The following TMEM117 variants were observed in gnomAD, a reference collection of about 807,000 sequenced individuals.
The protein encoded by TMEM117 is transmembrane protein 117.
A neutral mutation model predicts 52.4 loss-of-function variants in TMEM117; 27 were observed. The observed-to-expected ratio is 0.51, with a 90% CI of 0.38 to 0.71. TMEM117 has a LOEUF of 0.71. Ranked by LOEUF, TMEM117 falls within the 30% of genes least tolerant of loss-of-function variation. TMEM117 has a pLI of 0.00. For synonymous variants in TMEM117, 215 were observed against 206.3 expected, an observed-to-expected ratio of 1.04 and a Z score of -0.36; for missense variants, 556 against 630.5, an observed-to-expected ratio of 0.88 and a Z score of 1.26.
intron 5 of TMEM117, among the ~76,000 whole-genome samples, chr12:44,298,302 A>G (rs1565686224): frequency 6.6e-6 from 1 of 150,820 alleles, no homozygotes; most frequent in Non-Finnish European, 1.5e-5. Flanking sequence ...GTTAATTGCC[A>G]AAACGGATAT....
the TMEM117 span, among the ~76,000 whole-genome samples, chr12:43,814,988 G>T: frequency 6.6e-6 from 1 of 151,818 alleles, no homozygotes; most frequent in Non-Finnish European, 1.5e-5. Flanking sequence ...CAGGTGATCC[G>T]CCCGCCTCGG....
chr12:43,853,555 G>A (rs375595445), intron 2 of TMEM117, among the ~76,000 whole-genome samples: 8 of 152,146 alleles, frequency 5.3e-5, no homozygotes, highest in African/African-American at 1.7e-4. Context: ...GATTACAGGC[G>A]TGAGCCACTG....
chr12:43,803,868 G>C, the TMEM117 span, among the ~76,000 whole-genome samples: 3 of 151,920 alleles, frequency 2.0e-5, no homozygotes, highest in East Asian at 5.8e-4. Context: ...TTAGGCCACT[G>C]GAATATTTTA....
intron 6 of TMEM117, among the ~76,000 whole-genome samples, chr12:44,343,420 A>G (rs547618863): frequency 6.6e-6 from 1 of 152,166 alleles, no homozygotes; most frequent in Admixed American, 6.6e-5. Flanking sequence ...AGTTCTCCAC[A>G]CTCACCTGAA....
At chr12:44,043,321 G>T (rs150556538) in intron 3 of TMEM117, among the ~76,000 whole-genome samples, 13 of 152,174 alleles carry the variant, frequency 8.5e-5, no homozygotes, top group Non-Finnish European at 1.6e-4. Context: ...CATGTGAGTG[G>T]CTGACCTGCA....
At chr12:44,129,025 C>A (rs902861154) in intron 3 of TMEM117, among the ~76,000 whole-genome samples, 3 of 152,128 alleles carry the variant, frequency 2.0e-5, no homozygotes, top group Non-Finnish European at 2.9e-5. Context: ...TCTGATTATT[C>A]TTCTACTTCA....
At chr12:44,311,089 A>G (rs901613585) in intron 6 of TMEM117, among the ~76,000 whole-genome samples, 2 of 152,168 alleles carry the variant, frequency 1.3e-5, no homozygotes, top group African/African-American at 4.8e-5. Context: ...TTTCTCCTAT[A>G]AAACTATATC....
In TMEM117 at chr12:44,376,666, G is replaced by A; in HGVS notation, c.840G>A (p.Gln280=). The A allele has an allele frequency of 6.2e-7, 1 of 1,612,090 alleles. No homozygotes were observed. The highest frequency in any genetic ancestry group is 8.5e-7 in the Non-Finnish European group (1 of 1,179,236). ...CTGGTTTGCACACCCCTCACATGCA[G>A]TTCAAGATTCCTTTCTTCCAGAAAA... ...NLPGLHTPHM[Q]FKIPFFQKIF... is the part of the protein sequence containing the mutation. The change falls in exon 7 of 8, where the codon CAG becomes CAA. Residue 280 remains glutamine (Q), a synonymous_variant. Transcript: ENST00000266534.
intron 4 of TMEM117, among the ~76,000 whole-genome samples, chr12:44,188,638 G>T (rs951189952): frequency 2.0e-5 from 3 of 152,042 alleles, no homozygotes; most frequent in Admixed American, 6.6e-5. Flanking sequence ...TGTCCATTTT[G>T]CTCAAATGTC....
intron 4 of TMEM117, among the ~76,000 whole-genome samples, chr12:44,197,694 G>A (rs531883548): frequency 6.6e-6 from 1 of 152,208 alleles, no homozygotes; most frequent in East Asian, 1.9e-4. Context: ...GCCTGGAAAG[G>A]TACTTTTTGA....
In TMEM117 at chr12:44,388,780, T is replaced by C; in HGVS notation, c.*108T>C. 1 of 1,234,522 alleles carries C rather than the reference T, an allele frequency of 8.1e-7. No homozygotes were observed. 76.5% of individuals were successfully genotyped at this position (1,234,522 alleles called of 1,614,324 possible). A position where few individuals can be genotyped will look rare whatever the true frequency, so the allele number is the denominator to read the frequency against. On this transcript the variant is annotated 3_prime_UTR_variant, in exon 8 of 8. Transcript: ENST00000266534. ...AGGTTTACGTAGTGTTAGGTAAAAATATGAACAATGCCACAACGGTGCTCA... is the reference window on the plus strand; with the variant it reads ...AGGTTTACGTAGTGTTAGGTAAAAACATGAACAATGCCACAACGGTGCTCA...
chr12:44,071,213 G>A (rs906983043), intron 3 of TMEM117, among the ~76,000 whole-genome samples: 6 of 152,236 alleles, frequency 3.9e-5, no homozygotes, highest in South Asian at 4.1e-4. Flanking sequence ...GAACAGCCGC[G>A]CTCGTGCCAG....
chr12:44,137,170 GA>G (rs1948503076), intron 3 of TMEM117, among the ~76,000 whole-genome samples: 1 of 150,642 alleles, frequency 6.6e-6, no homozygotes, highest in East Asian at 2.0e-4. Context: ...GGCAATGTAA[GA>G]AAATCATTAA....
At chr12:44,029,251 T>G (rs1452306068) in intron 3 of TMEM117, among the ~76,000 whole-genome samples, 2 of 152,176 alleles carry the variant, frequency 1.3e-5, no homozygotes, top group Non-Finnish European at 2.9e-5. Context: ...AAAGTCCCTC[T>G]TGGTAGAGTC....
intron 3 of TMEM117, among the ~76,000 whole-genome samples, chr12:44,006,733 C>T (rs761851246): frequency 1.3e-5 from 2 of 152,108 alleles, no homozygotes; most frequent in African/African-American, 4.8e-5. Flanking sequence ...TATCTCATAG[C>T]TCCACTTTCA....
chr12:43,967,058 T>A (rs1945496841), intron 3 of TMEM117, among the ~76,000 whole-genome samples: 1 of 152,096 alleles, frequency 6.6e-6, no homozygotes, highest in South Asian at 2.1e-4. Context: ...TCCCCTTAAG[T>A]ATAGGTCGAA....
intron 2 of TMEM117, among the ~76,000 whole-genome samples, chr12:43,934,904 G>A (rs559954800): frequency 3.9e-5 from 6 of 152,186 alleles, no homozygotes; most frequent in African/African-American, 1.2e-4. Flanking sequence ...CATCCTAACC[G>A]CCATAATGAT....
chr12:43,983,788 A>G (rs1010514261), intron 3 of TMEM117, among the ~76,000 whole-genome samples: 2 of 152,026 alleles, frequency 1.3e-5, no homozygotes, highest in East Asian at 3.9e-4. Context: ...AAGGAAGGTA[A>G]ATAACTTGTC....
In TMEM117 at chr12:44,388,506, C is replaced by T; in HGVS notation, c.1379C>T (p.Pro460Leu). The T allele has an allele frequency of 6.2e-7, 1 of 1,613,496 alleles. No individual in the cohort carries two copies. Among genetic ancestry groups the T allele is most frequent in the Non-Finnish European group, 8.5e-7 (1 of 1,179,654 alleles). ...RENTQASVED[P>L]LNDPSLVCIR... ...AACACCCAGGCTTCAGTAGAAGACCCCTTGAATGACCCTTCTTTGGTTTGC... is the reference window on the plus strand; with the variant it reads ...AACACCCAGGCTTCAGTAGAAGACCTCTTGAATGACCCTTCTTTGGTTTGC... Residue 460 changes from proline to leucine, a missense_variant, in exon 8 of 8, where the codon CCC becomes CTC. Physicochemically the swap from Pro to Leu is moderately conservative, Grantham distance 98. This residue lies in a region of TMEM117 where 206 missense variants were observed against 211.1 expected (regional missense o/e 0.98). Transcript: ENST00000266534.
Sources: gnomAD v4.1 joint callset for allele counts (sites outside exome capture counted in the v4.1 genomes callset) on GRCh38, gnomAD v4.1.1 for gene constraint, gnomAD v4.1.1 regional missense constraint, MANE v1.5 for transcripts, NCBI Gene and HGNC (gene_info 2026-07-23, HGNC 2026-07-21) for gene names.